AOPEP: variants seen among roughly 807,000 people sequenced by gnomAD.
AOPEP encodes aminopeptidase O.
Under a neutral mutation model 98.1 loss-of-function variants are expected in AOPEP, and 77 were observed. That is an observed-to-expected ratio of 0.78 (90% CI 0.65 to 0.95). The LOEUF is 0.95. Ranked by LOEUF, AOPEP falls within the 40% of genes least tolerant of loss-of-function variation. The probability of loss-of-function intolerance (pLI) is 0.00; values close to 1 mark genes in which losing one functional copy is unlikely to be tolerated. For synonymous variants in AOPEP, 346 were observed against 365.3 expected, an observed-to-expected ratio of 0.95 and a Z score of 0.60; for missense variants, 1,024 against 1,024.7, an observed-to-expected ratio of 1.00 and a Z score of 0.01.
chr9:94,986,180 C>T (rs1402701259), intron 11 of AOPEP, among the ~76,000 whole-genome samples: 8 of 152,132 alleles, frequency 5.3e-5, no homozygotes, highest in Non-Finnish European at 8.8e-5. Context: ...GGCTTGTAGA[C>T]GGCCACCTTC....
At chr9:95,096,102 C>T in the AOPEP span, among the ~76,000 whole-genome samples, 1 of 152,160 alleles carries the variant, frequency 6.6e-6, no homozygotes, top group African/African-American at 2.4e-5. Flanking sequence ...GATCCCAGAA[C>T]GAGCCATGCT....
Position 94,773,105 on chromosome 9 carries a change from G to C in AOPEP, c.901G>C (p.Ala301Pro). The C allele has an allele frequency of 6.2e-7, 1 of 1,614,138 alleles. No individual in the cohort carries two copies. The highest frequency in any genetic ancestry group is 8.5e-7 in the Non-Finnish European group (1 of 1,180,008). Reference protein sequence around the residue: ...MSTWQATVRAAASFVVLMSGE... With the variant: ...MSTWQATVRAPASFVVLMSGE... ...AACATGGCAGGCTACAGTTCGAGCA[G>C]CTGCATCTTTTGTTGTTTTAATGAG... The change falls in exon 3 of 17, where the codon GCT (alanine) becomes CCT (proline). Residue 301 changes from alanine (A) to proline (P), a missense_variant. Transcript: ENST00000375315.
chr9:94,799,579 T>C lies in AOPEP; in HGVS notation c.1119-1178T>C, dbSNP rs545376240. ...AGTGAAATCCTGTCTTAAATAATAA[T>C]AGGCCGGTTGCGGTGGTTCAAGCCT... On this transcript the variant is annotated intron_variant, in intron 4 of 16. Transcript: ENST00000375315. Among the ~76,000 whole-genome samples the C allele has an allele frequency of 6.2e-4, 94 of 152,038 alleles. 2 individuals are homozygous for C. Among genetic ancestry groups the C allele is most frequent in the South Asian group, 4.8e-3 (23 of 4,802 alleles).
intron 15 of AOPEP, 149 bp from the exon 16 acceptor site, chr9:95,082,426 A>G (rs1185466079): frequency 3.8e-6 from 3 of 792,444 alleles, no homozygotes; most frequent in Admixed American, 3.1e-5. Flanking sequence ...CCAAAAGCAC[A>G]GTCAGCCCAC....
chr9:95,061,128 G>T, intron 14 of AOPEP: 1 of 217,820 alleles, frequency 4.6e-6, no homozygotes, highest in Non-Finnish European at 9.2e-6. Flanking sequence ...CCATTCTGTT[G>T]CACATTAAGG....
the AOPEP span, among the ~76,000 whole-genome samples, chr9:95,094,574 A>G: frequency 6.6e-6 from 1 of 152,238 alleles, no homozygotes; most frequent in Non-Finnish European, 1.5e-5. Flanking sequence ...GAGAGGATTC[A>G]TAAAATCTTT....
chr9:94,914,397 G>T (rs1366050511), intron 5 of AOPEP, among the ~76,000 whole-genome samples: 1 of 152,184 alleles, frequency 6.6e-6, no homozygotes, highest in African/African-American at 2.4e-5. Flanking sequence ...AGCAGGTTTT[G>T]CCTGCTTCTC....
chr9:94,984,857 T>C (rs72750359), intron 11 of AOPEP, among the ~76,000 whole-genome samples: 5,063 of 152,270 alleles, frequency 0.033, 121 homozygotes, highest in Admixed American at 0.057. Context: ...GGGGTAAAGA[T>C]AGAGCTGGTT....
the AOPEP span, among the ~76,000 whole-genome samples, chr9:95,113,418 T>C: frequency 6.6e-6 from 1 of 152,104 alleles, no homozygotes; most frequent in Non-Finnish European, 1.5e-5. Flanking sequence ...AAGAGTGTTA[T>C]GATACAAGGA....
chr9:94,940,967 T>C (rs2056950409), intron 7 of AOPEP, among the ~76,000 whole-genome samples: 3 of 152,108 alleles, frequency 2.0e-5, no homozygotes, highest in Non-Finnish European at 4.4e-5. Flanking sequence ...GTTCAACAAG[T>C]TAATTTTACT....
At chr9:94,768,312 C>T (rs1413553413) in intron 2 of AOPEP, among the ~76,000 whole-genome samples, 1 of 152,082 alleles carries the variant, frequency 6.6e-6, no homozygotes, top group African/African-American at 2.4e-5. Context: ...AAAAGGGTGA[C>T]TTGATGGACT....
At chr9:94,998,355 A>G (rs2061364964) in intron 11 of AOPEP, among the ~76,000 whole-genome samples, 1 of 152,068 alleles carries the variant, frequency 6.6e-6, no homozygotes, top group Non-Finnish European at 1.5e-5. Flanking sequence ...AACGAGCAGA[A>G]CAGTCTGTAT....
intron 5 of AOPEP, among the ~76,000 whole-genome samples, chr9:94,878,138 G>A (rs2047175542): frequency 6.6e-6 from 1 of 151,884 alleles, no homozygotes; most frequent in African/African-American, 2.4e-5. Context: ...GGATTTTCCT[G>A]TAGGAAAAAG....
At chr9:95,026,683 CCTCT>C (rs1438352604) in intron 13 of AOPEP, among the ~76,000 whole-genome samples, 1 of 152,162 alleles carries the variant, frequency 6.6e-6, no homozygotes, top group Non-Finnish European at 1.5e-5. Context: ...TATGCTTTTA[CCTCT>C]CTCCGATAGA....
At chr9:95,068,652 T>C (rs2068159614) in intron 14 of AOPEP, among the ~76,000 whole-genome samples, 1 of 152,190 alleles carries the variant, frequency 6.6e-6, no homozygotes. Flanking sequence ...TGAAGTCCAG[T>C]GTATCTCCTT....
chr9:94,886,421 G>A (rs2048248429), intron 5 of AOPEP, among the ~76,000 whole-genome samples: 1 of 152,108 alleles, frequency 6.6e-6, no homozygotes, highest in South Asian at 2.1e-4. Flanking sequence ...GGTTTTATAA[G>A]CCTAAGCATT....
chr9:94,923,963 A>T, intron 5 of AOPEP, 23 bp from the exon 6 acceptor site: 1 of 1,377,096 alleles, frequency 7.3e-7, no homozygotes, highest in African/African-American at 1.5e-5. Flanking sequence ...GACTCTGTGC[A>T]TTTTCTCCCC....
chr9:94,758,669 T>G (rs1837583993), intron 1 of AOPEP, among the ~76,000 whole-genome samples: 1 of 152,242 alleles, frequency 6.6e-6, no homozygotes, highest in Non-Finnish European at 1.5e-5. Flanking sequence ...TGTCAGAGTT[T>G]TTCTTTCTGT....
chr9:94,933,241 A>G (rs1370246404), intron 7 of AOPEP: 23 of 985,444 alleles, frequency 2.3e-5, no homozygotes, highest in Non-Finnish European at 2.7e-5. Context: ...AAGGCTCGCC[A>G]TGCCTCCTGT....
Sources: allele counts gnomAD v4.1 joint callset (sites outside exome capture counted in the v4.1 genomes callset), GRCh38; gene constraint gnomAD v4.1.1; transcripts MANE v1.5; gene names NCBI Gene and HGNC (gene_info 2026-07-23, HGNC 2026-07-21).